LIN52: variants seen among roughly 807,000 people sequenced by gnomAD.
The protein encoded by LIN52 is protein lin-52 homolog.
LIN52 carries 4 observed loss-of-function variants against 18.5 expected under a neutral mutation model. The ratio of observed to expected loss-of-function variants is 0.22; its 90% CI spans 0.11 to 0.49. The LOEUF (loss-of-function observed/expected upper bound fraction) is 0.49. Ranked by LOEUF, LIN52 falls within the 20% of genes least tolerant of loss-of-function variation. The probability of loss-of-function intolerance (pLI) is 0.97; values close to 1 mark genes in which losing one functional copy is unlikely to be tolerated. For synonymous variants in LIN52, 34 were observed against 45.5 expected (o/e 0.75, Z 1.02); for missense variants, 102 against 139.5 (o/e 0.73, Z 1.35).
chr14:74,095,860 C>T lies in LIN52; in HGVS notation c.95-88C>T. ...TCTCTTCTTCTAAACTATAAGAAAA[C>T]AGACAAAGCTGTTTTCTTATTATTT... On this transcript the variant is annotated intron_variant, in intron 2 of 5. Transcript: ENST00000555028. The T allele has an allele frequency of 3.8e-6, 3 of 799,104 alleles. No individual in the cohort carries two copies. The East Asian group carries it at 8.1e-5, about 22-fold the overall frequency. The allele number at this position is 799,104 out of a possible 1,614,324, so 49.5% of individuals were successfully genotyped here.
chr14:74,152,915 G>A lies in LIN52; in HGVS notation c.284-46007G>A, dbSNP rs562515879. Among the ~76,000 whole-genome samples, 131 of 132,518 alleles carry A rather than the reference G, an allele frequency of 9.9e-4. 1 individual carries two copies. The highest frequency in any genetic ancestry group is 3.7e-3 in the African/African-American group (124 of 33,808). The allele number at this position is 132,518 out of a possible 152,430, so 86.9% of individuals were successfully genotyped here. On this transcript the variant is annotated intron_variant, in intron 5 of 5. Transcript: ENST00000555028. ...GCAGAGGTTGCAGTGAGCTGAGATC[G>A]CACCACTGCCCTCCAGCTGGGGCAA...
chr14:74,120,557 C>T (rs757113212), intron 5 of LIN52, among the ~76,000 whole-genome samples: 4 of 152,064 alleles, frequency 2.6e-5, no homozygotes, highest in Non-Finnish European at 5.9e-5. Context: ...GAGTTCGAGA[C>T]CATCCTGGCC....
chr14:74,134,405 T>A (rs1020794509), intron 5 of LIN52, among the ~76,000 whole-genome samples: 3 of 152,194 alleles, frequency 2.0e-5, no homozygotes, highest in Admixed American at 1.3e-4. Context: ...GAATTGATAC[T>A]GGACCTTGGC....
At chr14:74,152,097 T>C (rs11159065) in intron 5 of LIN52, among the ~76,000 whole-genome samples, 74,449 of 151,668 alleles carry the variant, frequency 0.49, 18,894 homozygotes, top group Non-Finnish European at 0.53. Context: ...ACCCCATCTC[T>C]ATTAAAAATA....
Position 74,137,280 on chromosome 14 carries a change from C to T in LIN52, c.283+36042C>T, listed in dbSNP as rs561633812. On this transcript the variant is annotated intron_variant, in intron 5 of 5. Coordinates refer to ENST00000555028, the MANE Select transcript of LIN52 (RefSeq NM_001024674.3). ...CCCTAAATGCTTAAGAACACATCTC[C>T]TAAGAATAAGGATAGTTTTCTATAT... Among the ~76,000 whole-genome samples the T allele has an allele frequency of 2.8e-4, 42 of 150,048 alleles. 1 individual carries two copies. The South Asian group carries it at 5.4e-3, about 19-fold the overall frequency.
chr14:74,112,468 T>C (rs964644925), intron 5 of LIN52, among the ~76,000 whole-genome samples: 5 of 152,148 alleles, frequency 3.3e-5, no homozygotes, highest in Non-Finnish European at 5.9e-5. Context: ...AGTTTTTATA[T>C]CTGCATATAA....
chr14:74,117,472 TC>T (rs542972957), intron 5 of LIN52, among the ~76,000 whole-genome samples: 120 of 149,214 alleles, frequency 8.0e-4, no homozygotes, highest in Middle Eastern at 3.5e-3. Flanking sequence ...GACCTGGATT[TC>T]TTTTTTTTGG....
intron 5 of LIN52, among the ~76,000 whole-genome samples, chr14:74,120,215 A>C (rs1389865838): frequency 6.6e-6 from 1 of 152,196 alleles, no homozygotes; most frequent in Non-Finnish European, 1.5e-5. Context: ...AGTCACATAA[A>C]TTGCAAATAT....
At chr14:74,152,629 A>T (rs1399783917) in intron 5 of LIN52, among the ~76,000 whole-genome samples, 1 of 151,668 alleles carries the variant, frequency 6.6e-6, no homozygotes, top group Non-Finnish European at 1.5e-5. Flanking sequence ...GCCTGCCATT[A>T]TGCACTTGAG....
rs1476521486 is a variant in LIN52, at chr14:74,200,446, A to C, written c.*1469A>C. On this transcript the variant is annotated 3_prime_UTR_variant, in exon 6 of 6. Coordinates refer to ENST00000555028, the MANE Select transcript of LIN52 (RefSeq NM_001024674.3). ...AAAAAAAAAAAAAAAAAAAAAAAGA[A>C]TATCCCTGTGGCAATAGTCTGATGG... The C allele has an allele frequency of 6.9e-6, 1 of 145,318 alleles. No individual in the cohort carries two copies. Among genetic ancestry groups the C allele is most frequent in the African/African-American group, 2.5e-5 (1 of 40,110 alleles). 9.0% of individuals were successfully genotyped at this position (145,318 alleles called of 1,614,324 possible).
chr14:74,128,777 A>C (rs527572196), intron 5 of LIN52, among the ~76,000 whole-genome samples: 2 of 152,200 alleles, frequency 1.3e-5, no homozygotes, highest in East Asian at 3.9e-4. Context: ...CCTCGTCTCT[A>C]CTAAAAAGTA....
rs1281690658 is a variant in LIN52, at chr14:74,095,178, G to T, written c.95-770G>T. Among the ~76,000 whole-genome samples, 10 of 133,582 alleles carry T rather than the reference G, an allele frequency of 7.5e-5. No homozygotes were observed. The South Asian group carries it at 8.3e-4, about 11-fold the overall frequency. The allele number at this position is 133,582 out of a possible 152,430, so 87.6% of individuals were successfully genotyped here. On this transcript the variant is annotated intron_variant, in intron 2 of 5. Transcript: ENST00000555028. ...TTTTTTTTTTTTTTTTTGAGACAGG[G>T]TCTTCCTCTGTTGCCCAGTTTGGAG...
chr14:74,192,708 A>C (rs1198428969), intron 5 of LIN52: 1 of 265,088 alleles, frequency 3.8e-6, no homozygotes, highest in African/African-American at 2.3e-5. Flanking sequence ...ACAGTATATC[A>C]ATGAGGCAGA....
chr14:74,192,322 G>A (rs547406022), intron 5 of LIN52, among the ~76,000 whole-genome samples: 10 of 152,220 alleles, frequency 6.6e-5, no homozygotes, highest in African/African-American at 1.7e-4. Flanking sequence ...GTCTCACTCC[G>A]TTGACCAGGC....
At chr14:74,151,136 G>A (rs2061175376) in intron 5 of LIN52, among the ~76,000 whole-genome samples, 1 of 152,184 alleles carries the variant, frequency 6.6e-6, no homozygotes, top group Admixed American at 6.5e-5. Context: ...GTAGATGGCA[G>A]TATTCCCTTT....
intron 5 of LIN52, among the ~76,000 whole-genome samples, chr14:74,118,449 C>T (rs112606567): frequency 4.6e-5 from 7 of 152,194 alleles, no homozygotes; most frequent in African/African-American, 1.7e-4. Flanking sequence ...ATTAACACTC[C>T]CCTGTAACCG....
intron 1 of LIN52, chr14:74,085,275 T>C: frequency 3.0e-6 from 1 of 333,572 alleles, no homozygotes; most frequent in Non-Finnish European, 5.4e-6. Context: ...GTGCCTTCCT[T>C]ATCTCTATTT....
At chr14:74,161,447 A>G (rs996779420) in intron 5 of LIN52, among the ~76,000 whole-genome samples, 3 of 152,188 alleles carry the variant, frequency 2.0e-5, no homozygotes, top group Non-Finnish European at 4.4e-5. Context: ...TGGCCTCTCA[A>G]AAGTGCTGGG....
chr14:74,103,736 T>C (rs1281898449), intron 5 of LIN52, among the ~76,000 whole-genome samples: 4 of 30,272 alleles, frequency 1.3e-4, no homozygotes, highest in Non-Finnish European at 2.3e-4. Flanking sequence ...CTGGCCAGTT[T>C]TTTTTTTTTT....
Sources: allele counts gnomAD v4.1 joint callset (sites outside exome capture counted in the v4.1 genomes callset), GRCh38; gene constraint gnomAD v4.1.1; transcripts MANE v1.5; gene names NCBI Gene and HGNC (gene_info 2026-07-23, HGNC 2026-07-21).